The following GULP1 variants were observed in gnomAD, a reference collection of about 807,000 sequenced individuals.
GULP1 encodes GULP PTB domain containing engulfment adaptor 1.
GULP1 carries 19 observed loss-of-function variants against 40.9 expected under a neutral mutation model. The observed-to-expected ratio is 0.46, with a 90% CI of 0.32 to 0.68. GULP1 has a LOEUF of 0.68. GULP1 is among the 30% of genes least tolerant of loss of function. GULP1 has a pLI of 0.03. For missense variants in GULP1, 312 were observed against 362.2 expected (o/e 0.86, Z 1.12); for synonymous variants, 119 against 117.6 (o/e 1.01, Z -0.08).
intron 7 of GULP1, chr2:188,541,655 A>G: frequency 2.1e-6 from 1 of 466,462 alleles, no homozygotes; most frequent in South Asian, 3.6e-5. Flanking sequence ...TTATGCACAT[A>G]ATACAAACAG....
chr2:188,344,938 G>A (rs2043431718), intron 1 of GULP1, among the ~76,000 whole-genome samples: 2 of 152,056 alleles, frequency 1.3e-5, no homozygotes, highest in African/African-American at 2.4e-5. Flanking sequence ...GTCTTGCAAT[G>A]TACTTTTTTA....
chr2:188,457,607 C>T (rs1014648989), intron 2 of GULP1, among the ~76,000 whole-genome samples: 7 of 152,092 alleles, frequency 4.6e-5, no homozygotes, highest in African/African-American at 7.2e-5. Flanking sequence ...TGGACTAATA[C>T]AGTACAATAA....
intron 2 of GULP1, among the ~76,000 whole-genome samples, chr2:188,474,381 A>C (rs2060835404): frequency 1.3e-5 from 2 of 152,192 alleles, no homozygotes; most frequent in South Asian, 4.1e-4. Context: ...TTTAGCCCAC[A>C]GTGGCAAGGC....
intron 1 of GULP1, among the ~76,000 whole-genome samples, chr2:188,297,775 G>T (rs2035302981): frequency 6.6e-6 from 1 of 151,778 alleles, no homozygotes; most frequent in Admixed American, 6.6e-5. Context: ...TTCTCATTTG[G>T]TTTGTATTTA....
At chr2:188,493,676 CTCT>C (rs1434172313) in intron 4 of GULP1, among the ~76,000 whole-genome samples, 1 of 152,042 alleles carries the variant, frequency 6.6e-6, no homozygotes, top group Non-Finnish European at 1.5e-5. Flanking sequence ...CCTTATCCTC[CTCT>C]ATCTGAGCCA....
At chr2:188,302,292 G>A (rs983953464) in intron 1 of GULP1, among the ~76,000 whole-genome samples, 1 of 151,956 alleles carries the variant, frequency 6.6e-6, no homozygotes, top group Admixed American at 6.6e-5. Context: ...AGCAAAACTA[G>A]GAATAATCTA....
At chr2:188,582,376 G>A (rs1701499172) in intron 9 of GULP1, 1 of 471,174 alleles carries the variant, frequency 2.1e-6, no homozygotes, top group African/African-American at 2.0e-5. Context: ...AACAACATGT[G>A]TTTCAGAGAT....
intron 2 of GULP1, among the ~76,000 whole-genome samples, chr2:188,386,912 A>G (rs1559179227): frequency 6.6e-6 from 1 of 152,188 alleles, no homozygotes; most frequent in Non-Finnish European, 1.5e-5. Context: ...TCAGCAATAT[A>G]TTCCCTTACA....
At chr2:188,480,802 C>A (rs989349427) in intron 3 of GULP1, among the ~76,000 whole-genome samples, 1 of 151,626 alleles carries the variant, frequency 6.6e-6, no homozygotes, top group Non-Finnish European at 1.5e-5. Context: ...AGTAATTCAA[C>A]TAGTTACATT....
intron 4 of GULP1, among the ~76,000 whole-genome samples, chr2:188,501,787 G>A (rs1575632612): frequency 1.3e-5 from 2 of 152,054 alleles, no homozygotes. Context: ...CCCTTGGTAT[G>A]CTCCTGCTGT....
At chr2:188,469,017 C>T (rs979784546) in intron 2 of GULP1, among the ~76,000 whole-genome samples, 10 of 151,910 alleles carry the variant, frequency 6.6e-5, no homozygotes, top group South Asian at 2.1e-4. Flanking sequence ...AATGAGGTAC[C>T]CTTTAAAACA....
At chr2:188,470,107 T>C (rs1043547618) in intron 2 of GULP1, among the ~76,000 whole-genome samples, 3 of 152,162 alleles carry the variant, frequency 2.0e-5, no homozygotes, top group African/African-American at 7.2e-5. Flanking sequence ...TCCTCCTCTA[T>C]TTTTTGGAAT....
intron 1 of GULP1, among the ~76,000 whole-genome samples, chr2:188,363,791 A>C (rs973779451): frequency 2.0e-5 from 3 of 152,168 alleles, no homozygotes; most frequent in African/African-American, 7.2e-5. Flanking sequence ...GACATTTGCA[A>C]GTTAAGAAAT....
intron 9 of GULP1, chr2:188,582,507 C>T (rs1701526240): frequency 2.1e-6 from 1 of 471,358 alleles, no homozygotes; most frequent in Admixed American, 2.3e-5. Flanking sequence ...TTAATACCAC[C>T]ACCTTCTAAA....
At chr2:188,408,873 GAAAT>G (rs2053490434) in intron 2 of GULP1, among the ~76,000 whole-genome samples, 2 of 152,022 alleles carry the variant, frequency 1.3e-5, no homozygotes, top group Middle Eastern at 3.2e-3. Flanking sequence ...GGAATTTTGG[GAAAT>G]AAATATGTGG....
rs141995734 is a variant in GULP1 at position 188,517,819 on chromosome 2, T to C, written c.91-4937T>C. On this transcript the variant is annotated intron_variant, in intron 4 of 11. Transcript: ENST00000409830. ...CTGAGAAAAGAGTCTAGGGGAACTT[T>C]CAATCCTGCATGTGGACTTCTGCTT... Among the ~76,000 whole-genome samples, 378 of 152,212 alleles carry C rather than the reference T, an allele frequency of 2.5e-3. 1 individual carries two copies. Among genetic ancestry groups the C allele is most frequent in the African/African-American group, 8.3e-3 (343 of 41,536 alleles).
intron 1 of GULP1, among the ~76,000 whole-genome samples, chr2:188,341,201 G>A (rs573988383): frequency 1.0e-3 from 156 of 152,118 alleles, no homozygotes; most frequent in African/African-American, 3.3e-3. Context: ...CTTGGCTTCC[G>A]GGGAGACCTC....
chr2:188,522,076 A>AAAAACAAAACCAAAAT (rs1162514816), intron 4 of GULP1, among the ~76,000 whole-genome samples: 1 of 152,226 alleles, frequency 6.6e-6, no homozygotes, highest in African/African-American at 2.4e-5. Context: ...ACTCCGTCTC[A>AAAAACAAAACCAAAAT]AAAACAAAAC....
At chr2:188,577,047 C>A (rs2153448249) in intron 9 of GULP1, among the ~76,000 whole-genome samples, 1 of 152,166 alleles carries the variant, frequency 6.6e-6, no homozygotes, top group South Asian at 2.1e-4. Context: ...CCTCTTGATT[C>A]TTGTATCTGG....
Sources: allele counts gnomAD v4.1 joint callset (sites outside exome capture counted in the v4.1 genomes callset), GRCh38; gene constraint gnomAD v4.1.1; transcripts MANE v1.5; gene names NCBI Gene and HGNC (gene_info 2026-07-23, HGNC 2026-07-21).